Variants in HNRNPR observed in about 807,000 individuals in gnomAD.
HNRNPR encodes heterogeneous nuclear ribonucleoprotein R.
Under a neutral mutation model 70.3 loss-of-function variants are expected in HNRNPR, and 4 were observed. That is an observed-to-expected ratio of 0.06 (90% CI 0.03 to 0.13). The LOEUF is 0.13. Among genes scored for constraint, HNRNPR ranks in the 10% least tolerant of loss-of-function variants. The pLI, the probability that HNRNPR is intolerant of heterozygous loss-of-function variation, is 1.00. For synonymous variants in HNRNPR, 241 were observed against 267.6 expected (o/e 0.90, Z 0.97); for missense variants, 423 against 788.5 (o/e 0.54, Z 5.55).
Position 23,310,852 on chromosome 1 carries a change from T to C in HNRNPR, c.1504A>G (p.Arg502Gly), listed in dbSNP as rs1433390735. ...CCTCGCCCTCCCCTTCCTCCTCCTC[T>C]TCCTCTTACTGCATAGCCATCATCA... ...GYDDGYAVRG[R>G]GGGRGGRGAP... Residue 502 changes from arginine to glycine, a missense_variant, in exon 11 of 11, where the codon AGA (arginine) becomes GGA (glycine). Arg to Gly is a moderately radical substitution (Grantham distance 125). Coordinates refer to ENST00000302271, the MANE Select transcript of HNRNPR (RefSeq NM_005826.5). This position sits in a 1 kb window ranked among gnomAD's most constrained non-coding sequence, Gnocchi z 6.0. 10 of 1,613,966 alleles carry C rather than the reference T, an allele frequency of 6.2e-6. No homozygotes were observed. Among genetic ancestry groups the C allele is most frequent in the African/African-American group, 1.3e-5 (1 of 74,896 alleles).
At chr1:23,316,430 T>C (rs1332439832) in intron 8 of HNRNPR, among the ~76,000 whole-genome samples, 1 of 152,226 alleles carries the variant, frequency 6.6e-6, no homozygotes, top group Non-Finnish European at 1.5e-5. Context: ...GAATGAAATC[T>C]TGAAGTTTTC....
Position 23,318,167 on chromosome 1 carries a change from T to TA in HNRNPR, c.1017+315_1017+316insT, listed in dbSNP as rs1557846016. ...TTACTTCTCTCTTTACTCAGGACTT[T>TA]TAAAAAAAAAAAAAACCTCTATCCC... is the stretch of plus-strand genomic sequence containing the variant. On this transcript the variant is annotated intron_variant, in intron 8 of 10. Coordinates refer to ENST00000302271, the MANE Select transcript of HNRNPR (RefSeq NM_005826.5). This position sits in a 1 kb window ranked among gnomAD's most constrained non-coding sequence, Gnocchi z 4.2. Among the ~76,000 whole-genome samples the TA allele has an allele frequency of 1.8e-4, 25 of 142,796 alleles. No homozygotes were observed. The highest frequency in any genetic ancestry group is 7.2e-4 in the African/African-American group (24 of 33,550). The allele number at this position is 142,796 out of a possible 152,430, so 93.7% of individuals were successfully genotyped here.
chr1:23,334,119 G>T (rs1646359072), intron 4 of HNRNPR, among the ~76,000 whole-genome samples: 1 of 151,864 alleles, frequency 6.6e-6, no homozygotes, highest in Non-Finnish European at 1.5e-5. Flanking sequence ...TCACCATGTT[G>T]GCCAGGCTGG....
intron 9 of HNRNPR, among the ~76,000 whole-genome samples, chr1:23,312,102 A>C (rs1195175257): frequency 6.6e-6 from 1 of 152,108 alleles, no homozygotes; most frequent in African/African-American, 2.4e-5. Flanking sequence ...TTGTTTCCCT[A>C]TACCTTTCCC....
intron 8 of HNRNPR, among the ~76,000 whole-genome samples, chr1:23,317,914 A>G (rs1645613183): frequency 6.6e-6 from 1 of 152,036 alleles, no homozygotes; most frequent in African/African-American, 2.4e-5. Flanking sequence ...TGGGAGGTGG[A>G]GGTTGCAGTG....
intron 4 of HNRNPR, among the ~76,000 whole-genome samples, 172 bp from the exon 5 acceptor site, chr1:23,333,803 G>A (rs1345551221): frequency 1.3e-5 from 2 of 152,018 alleles, no homozygotes; most frequent in Non-Finnish European, 2.9e-5. Flanking sequence ...TTCTACTGGT[G>A]AGTCTTTTCA....
intron 3 of HNRNPR, 186 bp downstream of exon 3, chr1:23,338,304 A>G (rs633278): frequency 0.24 from 97,777 of 401,702 alleles, 15,500 homozygotes; most frequent in African/African-American, 0.55. Flanking sequence ...GGGGTGGGAG[A>G]AAACTTTTGC....
chr1:23,333,914 C>CT (rs1646348681), intron 4 of HNRNPR, among the ~76,000 whole-genome samples: 1 of 151,920 alleles, frequency 6.6e-6, no homozygotes, highest in South Asian at 2.1e-4. Context: ...TCCCTACTGT[C>CT]TTTTCTTCTT....
chr1:23,335,312 G>A (rs1175700919), intron 4 of HNRNPR, among the ~76,000 whole-genome samples: 5 of 152,146 alleles, frequency 3.3e-5, no homozygotes, highest in Non-Finnish European at 5.9e-5. Context: ...GCATGCCTTC[G>A]GCCTTCCATT....
chr1:23,315,658 G>C (rs377060346), intron 8 of HNRNPR, among the ~76,000 whole-genome samples: 1 of 152,110 alleles, frequency 6.6e-6, no homozygotes, highest in African/African-American at 2.4e-5. Flanking sequence ...GGGGTAGAAA[G>C]GAAATTTCTT....
intron 7 of HNRNPR, among the ~76,000 whole-genome samples, chr1:23,320,297 T>C (rs1404892777): frequency 6.6e-6 from 1 of 152,106 alleles, no homozygotes; most frequent in African/African-American, 2.4e-5. Flanking sequence ...ATATAGCGGG[T>C]GGTAGCAGTG....
chr1:23,332,012 G>A (rs1240633341), intron 5 of HNRNPR, among the ~76,000 whole-genome samples: 1 of 151,508 alleles, frequency 6.6e-6, no homozygotes, highest in African/African-American at 2.4e-5. Flanking sequence ...GGCATCTGTA[G>A]TCCCAGCTAC....
chr1:23,330,990 A>T (rs1469690628), intron 5 of HNRNPR, among the ~76,000 whole-genome samples: 1 of 152,224 alleles, frequency 6.6e-6, no homozygotes, highest in Non-Finnish European at 1.5e-5. Context: ...AGTTTTCAAA[A>T]CTTTGTCAAC....
chr1:23,322,343 C>T (rs999214368), intron 6 of HNRNPR, among the ~76,000 whole-genome samples: 3 of 151,938 alleles, frequency 2.0e-5, no homozygotes, highest in Non-Finnish European at 2.9e-5. Context: ...TGAAGTGATT[C>T]TCCTGCCTCA....
chr1:23,315,876 T>C (rs1645523878), intron 8 of HNRNPR, among the ~76,000 whole-genome samples: 1 of 152,212 alleles, frequency 6.6e-6, no homozygotes, highest in Non-Finnish European at 1.5e-5. Context: ...CCAGCCTCTA[T>C]GTTACACAGA....
chr1:23,339,447 A>G (rs1240620190), intron 2 of HNRNPR, among the ~76,000 whole-genome samples: 3 of 152,252 alleles, frequency 2.0e-5, no homozygotes, highest in Non-Finnish European at 4.4e-5. Flanking sequence ...ATTCAACTGC[A>G]CACAGAACAT....
rs116359905 is a variant in HNRNPR at position 23,325,604 on chromosome 1, T to G, written c.499-1872A>C. ...TTCTTACCTCTCACAATGTCTACTT[T>G]CACTTCTATCGCACCTCAGAGAAAG... On this transcript the variant is annotated intron_variant, in intron 5 of 10. Transcript: ENST00000302271. 8.8e-3 allele frequency among the ~76,000 whole-genome samples: 1,338 copies of G among 152,290 alleles called. 25 individuals carry two copies. The highest frequency in any genetic ancestry group is 0.03 in the African/African-American group (1,252 of 41,556).
At chr1:23,340,312 A>T (rs2148494257) in intron 2 of HNRNPR, among the ~76,000 whole-genome samples, 1 of 145,604 alleles carries the variant, frequency 6.9e-6, no homozygotes, top group African/African-American at 2.5e-5. Flanking sequence ...TTCTGGATTA[A>T]AAAAAAAAAA....
intron 4 of HNRNPR, among the ~76,000 whole-genome samples, chr1:23,334,234 CTTTTTTT>C (rs35129252): frequency 2.9e-5 from 3 of 105,204 alleles, no homozygotes; most frequent in African/African-American, 7.6e-5. Context: ...TTCTAGTGTA[CTTTTTTT>C]TTTTTTTTTT....
Sources: gnomAD v4.1 joint callset for allele counts (sites outside exome capture counted in the v4.1 genomes callset) on GRCh38, gnomAD v4.1.1 for gene constraint, Gnocchi (gnomAD v3.1) non-coding constraint, MANE v1.5 for transcripts, NCBI Gene and HGNC (gene_info 2026-07-23, HGNC 2026-07-21) for gene names.